Variants in MUC21 observed in about 807,000 individuals in gnomAD.
The protein encoded by MUC21 is mucin-21.
A neutral mutation model predicts 9.1 loss-of-function variants in MUC21; 8 were observed. The observed-to-expected ratio is 0.88, with a 90% confidence interval of 0.52 to 1.59. MUC21 has a LOEUF of 1.59. Ranked by LOEUF, MUC21 falls within the 40% of genes most tolerant of loss-of-function variation. The pLI is 0.00. For synonymous variants in MUC21, 189 were observed against 275.2 expected (o/e 0.69, Z 3.10); for missense variants, 478 against 694.2 (o/e 0.69, Z 3.50).
Position 30,987,606 on chromosome 6 carries a change from G to A in MUC21, c.1431G>A (p.Pro477=), listed in dbSNP as rs374178688. 2.2e-5 allele frequency: 36 copies of A among 1,614,218 alleles called. No homozygotes were observed. The highest frequency in any genetic ancestry group is 3.3e-5 in the South Asian group (3 of 91,088). The stretch of plus-strand genomic sequence containing the variant: ...CGAAGCCTGGTGGGTCCCTGGTGCC[G>A]TGGGAAATCTTCCTCATCACCCTGG... ...SEAKPGGSLV[P]WEIFLITLVS... Residue 477 remains proline, a synonymous_variant, in exon 2 of 3, where the codon CCG becomes CCA. Transcript: ENST00000376296.
chr6:30,988,132 T>C lies in MUC21; in HGVS notation c.1639T>C (p.Phe547Leu). Reference protein sequence around the residue: ...PHRPRWSPNWFWRRPVSSIAM... With the variant: ...PHRPRWSPNWLWRRPVSSIAM... ...CAGGCCCAGGTGGAGTCCTAACTGG[T>C]TCTGGAGGAGACCAGTATCCTCGAT... The change falls in exon 3 of 3, where the codon TTC (phenylalanine) becomes CTC (leucine). Residue 547 changes from phenylalanine to leucine, a missense_variant. Phe to Leu is a conservative substitution (Grantham distance 22, BLOSUM62 0). Coordinates refer to ENST00000376296, the MANE Select transcript of MUC21 (RefSeq NM_001010909.5). 6.2e-7 allele frequency: 1 copy of C among 1,612,980 alleles called. No homozygotes were observed. The highest frequency in any genetic ancestry group is 8.5e-7 in the Non-Finnish European group (1 of 1,180,016).
At position 30,988,458 on chromosome 6, in the gene MUC21, A is replaced by G; in HGVS notation, c.*264A>G. ...TGTGCGTGCCCCGGGGTGGGTATCT[A>G]GCTCTGAGATGAACTCAGTTATAGG... On this transcript the variant is annotated 3_prime_UTR_variant, in exon 3 of 3. Transcript: ENST00000376296. 2.3e-6 allele frequency: 1 copy of G among 438,342 alleles called. No homozygotes were observed. The highest frequency in any genetic ancestry group is 4.0e-6 in the Non-Finnish European group (1 of 251,344). The allele number at this position is 438,342 out of a possible 1,614,324, so 27.2% of individuals were successfully genotyped here. A position where few individuals can be genotyped will look rare whatever the true frequency, so the allele number is the denominator to read the frequency against.
In MUC21 at chr6:30,987,489, T is replaced by C; in HGVS notation, c.1314T>C (p.Ser438=). 2 of 1,614,268 alleles carry C rather than the reference T, an allele frequency of 1.2e-6. No homozygotes were observed. The highest frequency in any genetic ancestry group is 1.7e-6 in the Non-Finnish European group (2 of 1,180,032). ...TSSGANTATN[S]GSSVTSAGSG... ...GTGGGGCCAACACAGCCACCAACTC[T>C]GGGTCCAGTGTGACCTCTGCAGGCT... Residue 438 remains serine, a synonymous_variant, in exon 2 of 3, where the codon TCT becomes TCC. Transcript: ENST00000376296.
chr6:30,987,767 T>G lies in MUC21; in HGVS notation c.1506+86T>G, dbSNP rs189709074. 9.1e-6 allele frequency: 14 copies of G among 1,540,406 alleles called. No individual in the cohort carries two copies. The East Asian group carries it at 2.9e-4, about 32-fold the overall frequency. Reference sequence around the variant, plus strand: ...GGGTGTGAATAGAAGGGGTCTCAAGTCAGGGGTGGGTAGGGAGGAAGGGAG... The same window carrying G: ...GGGTGTGAATAGAAGGGGTCTCAAGGCAGGGGTGGGTAGGGAGGAAGGGAG... On this transcript the variant is annotated intron_variant, in intron 2 of 2. Transcript: ENST00000376296.
At chr6:30,984,996 C>CAATAAAATAAAATAAAATAA (rs9257008) in intron 1 of MUC21, among the ~76,000 whole-genome samples, 3,551 of 142,866 alleles carry the variant, frequency 0.025, 59 homozygotes, top group Middle Eastern at 0.045. Context: ...AATAAATAAG[C>CAATAAAATAAAATAAAATAA]AATAAAATAA....
chr6:30,987,827 A>G, intron 2 of MUC21, 146 bp downstream of exon 2: 1 of 1,403,312 alleles, frequency 7.1e-7, no homozygotes, highest in South Asian at 1.4e-5. Flanking sequence ...ATGGTAGGTC[A>G]ATGCAGAGGA....
At position 30,986,683 on chromosome 6, in the gene MUC21, T is replaced by G; in HGVS notation, c.508T>G (p.Ser170Ala). The G allele has an allele frequency of 6.3e-7, 1 of 1,583,546 alleles. No homozygotes were observed. The highest frequency in any genetic ancestry group is 8.6e-7 in the Non-Finnish European group (1 of 1,162,676). ...GGCCAGCACAGCCACCAACTCTGAG[T>G]CCAGCACAACCTCCAGTGGGGCCAG... ...SEASTATNSE[S>A]STTSSGASTA... Residue 170 changes from serine to alanine, a missense_variant, in exon 2 of 3, where the codon TCC becomes GCC. This residue lies in a region of MUC21 where 53 missense variants were observed against 139.1 expected (regional missense o/e 0.38). Coordinates refer to ENST00000376296, the MANE Select transcript of MUC21 (RefSeq NM_001010909.5).
At position 30,988,373 on chromosome 6, in the gene MUC21, T is replaced by C; in HGVS notation, c.*179T>C. On this transcript the variant is annotated 3_prime_UTR_variant, in exon 3 of 3. Transcript: ENST00000376296. ...ACCAGACACTGGAAAGAGAATACTA[T>C]ATTGCTCATTTAGCTAAGAAATAAA... The C allele has an allele frequency of 1.7e-6, 1 of 585,714 alleles. No individual in the cohort carries two copies. The highest frequency in any genetic ancestry group is 2.5e-5 in the South Asian group (1 of 40,808). 36.3% of individuals were successfully genotyped at this position (585,714 alleles called of 1,614,324 possible).
rs189709074 is a variant in MUC21 at position 30,987,767 on chromosome 6, T to A, written c.1506+86T>A. On this transcript the variant is annotated intron_variant, in intron 2 of 2. Coordinates refer to ENST00000376296, the MANE Select transcript of MUC21 (RefSeq NM_001010909.5). ...GGGTGTGAATAGAAGGGGTCTCAAGTCAGGGGTGGGTAGGGAGGAAGGGAG... is the reference window on the plus strand; with the variant it reads ...GGGTGTGAATAGAAGGGGTCTCAAGACAGGGGTGGGTAGGGAGGAAGGGAG... 7.1e-6 allele frequency: 11 copies of A among 1,540,406 alleles called. 1 individual carries two copies. The South Asian group carries it at 1.4e-4, about 19-fold the overall frequency.
chr6:30,987,295 A>C lies in MUC21; in HGVS notation c.1120A>C (p.Thr374Pro), dbSNP rs1288044940. Residue 374 changes from threonine (T) to proline (P), a missense_variant, in exon 2 of 3, where the codon ACA becomes CCA. Around this residue, in one of 5 missense-constraint regions of MUC21, gnomAD observed 155 missense variants for 235.2 expected, o/e 0.66. Transcript: ENST00000376296. ...CAGCACGACCTCCAGTGGGACCAGC[A>C]CAGCCACCAACTCTGAGTCCAGCAC... ...GSSTTSSGTS[T>P]ATNSESSTVS... The C allele has an allele frequency of 3.8e-6, 6 of 1,566,840 alleles. 1 individual carries two copies. Among genetic ancestry groups the C allele is most frequent in the Non-Finnish European group, 5.2e-6 (6 of 1,149,572 alleles).
Position 30,986,470 on chromosome 6 carries a change from T to C in MUC21, c.295T>C (p.Ser99Pro). Reference protein sequence around the residue: ...TATNSEFSTVSSGISIATNSE... With the variant: ...TATNSEFSTVPSGISIATNSE... ...CACCAACTCTGAGTTCAGCACAGTGTCCAGTGGGATCAGCATAGCCACCAA... is the reference window on the plus strand; with the variant it reads ...CACCAACTCTGAGTTCAGCACAGTGCCCAGTGGGATCAGCATAGCCACCAA... Residue 99 changes from serine to proline, a missense_variant, in exon 2 of 3, where the codon TCC becomes CCC. Transcript: ENST00000376296. 6.3e-7 allele frequency: 1 copy of C among 1,599,846 alleles called. No individual in the cohort carries two copies. The highest frequency in any genetic ancestry group is 8.6e-7 in the Non-Finnish European group (1 of 1,169,258).
chr6:30,985,118 C>T (rs1762195818), intron 1 of MUC21, among the ~76,000 whole-genome samples: 1 of 152,186 alleles, frequency 6.6e-6, no homozygotes, highest in Non-Finnish European at 1.5e-5. Context: ...CACGTACAGG[C>T]TGGGGAGGTT....
intron 1 of MUC21, 105 bp downstream of exon 1, chr6:30,984,124 G>A: frequency 1.4e-6 from 1 of 693,338 alleles, no homozygotes; most frequent in Non-Finnish European, 2.7e-6. Flanking sequence ...CATAGAGTGA[G>A]GATCATCATT....
rs147844005 is a variant in MUC21, at chr6:30,987,182, G to T, written c.1007G>T (p.Ser336Ile). 1.4e-3 allele frequency: 2,241 copies of T among 1,602,460 alleles called. 8 individuals are homozygous for T. Among genetic ancestry groups the T allele is most frequent in the Non-Finnish European group, 1.8e-3 (2,055 of 1,173,362 alleles). ...AGCACAGCCACCAACTCTGAGTCCA[G>T]CACGACCTCCAGTGGGGCCAGCACA... is the stretch of plus-strand genomic sequence containing the variant. Reference protein sequence around the residue: ...GASTATNSESSTTSSGASTAT... With the variant: ...GASTATNSESITTSSGASTAT... Residue 336 changes from serine to isoleucine, a missense_variant, in exon 2 of 3, where the codon AGC (serine) becomes ATC (isoleucine). Physicochemically the swap from Ser to Ile is moderately radical, Grantham distance 142. Around this residue, in one of 5 missense-constraint regions of MUC21, gnomAD observed 155 missense variants for 235.2 expected, o/e 0.66. Coordinates refer to ENST00000376296, the MANE Select transcript of MUC21 (RefSeq NM_001010909.5).
At position 30,987,628 on chromosome 6, in the gene MUC21, C is replaced by G. The variant is rs1331457807; in HGVS notation, c.1453C>G (p.Leu485Val). 1 of 1,614,140 alleles carries G rather than the reference C, an allele frequency of 6.2e-7. No individual in the cohort carries two copies. The highest frequency in any genetic ancestry group is 1.3e-5 in the African/African-American group (1 of 74,946). The change falls in exon 2 of 3, where the codon CTG becomes GTG. Residue 485 changes from leucine (L) to valine (V), a missense_variant. This residue lies in a region of MUC21 where 158 missense variants were observed against 192.6 expected (regional missense o/e 0.82). Coordinates refer to ENST00000376296, the MANE Select transcript of MUC21 (RefSeq NM_001010909.5). Reference protein sequence around the residue: ...LVPWEIFLITLVSVVAAVGLF... With the variant: ...LVPWEIFLITVVSVVAAVGLF... ...GCCGTGGGAAATCTTCCTCATCACCCTGGTCTCGGTTGTGGCGGCCGTGGG... is the reference window on the plus strand; with the variant it reads ...GCCGTGGGAAATCTTCCTCATCACCGTGGTCTCGGTTGTGGCGGCCGTGGG...
At position 30,986,830 on chromosome 6, in the gene MUC21, T is replaced by C. The variant is rs1290886554; in HGVS notation, c.655T>C (p.Ser219Pro). 1 of 1,586,544 alleles carries C rather than the reference T, an allele frequency of 6.3e-7. No homozygotes were observed. Among genetic ancestry groups the C allele is most frequent in the African/African-American group, 1.4e-5 (1 of 71,316 alleles). The change falls in exon 2 of 3, where the codon TCC (serine) becomes CCC (proline). Residue 219 changes from serine to proline, a missense_variant. This residue lies in a region of MUC21 where 155 missense variants were observed against 235.2 expected (regional missense o/e 0.66). Coordinates refer to ENST00000376296, the MANE Select transcript of MUC21 (RefSeq NM_001010909.5). ...TATNSESRTT[S>P]NGAGTATNSE... ...CACCAACTCTGAGTCCAGAACGACC[T>C]CCAATGGGGCTGGCACAGCCACCAA...
intron 1 of MUC21, among the ~76,000 whole-genome samples, chr6:30,985,360 G>C (rs1262681272): frequency 6.6e-6 from 1 of 152,144 alleles, no homozygotes; most frequent in Non-Finnish European, 1.5e-5. Flanking sequence ...CTGGCTTCTT[G>C]TTGTACATGC....
rs1762236849 is a variant in MUC21 at position 30,986,221 on chromosome 6, T to G, written c.62-16T>G. On this transcript the variant is annotated splice_polypyrimidine_tract_variant and intron_variant, in intron 1 of 2. Coordinates refer to ENST00000376296, the MANE Select transcript of MUC21 (RefSeq NM_001010909.5). The stretch of plus-strand genomic sequence containing the variant: ...TATACACACAATATATATTTGTCAT[T>G]ATATGATTTCTTCAGCAACAAATTC... 1.3e-6 allele frequency: 2 copies of G among 1,596,660 alleles called. No homozygotes were observed. The highest frequency in any genetic ancestry group is 1.7e-5 in the Admixed American group (1 of 58,646).
In MUC21 at chr6:30,987,025, A is replaced by G. The variant is rs1762357582; in HGVS notation, c.850A>G (p.Thr284Ala). The part of the protein sequence containing the change: ...ESSTVSSGIS[T>A]VTNSESSTPS... The stretch of plus-strand genomic sequence containing the variant: ...CAGCACAGTGTCCAGTGGGATCAGC[A>G]CAGTCACCAATTCTGAGTCCAGCAC... Residue 284 changes from threonine (T) to alanine (A), a missense_variant, in exon 2 of 3, where the codon ACA (threonine) becomes GCA (alanine). Transcript: ENST00000376296. 2.5e-6 allele frequency: 4 copies of G among 1,604,578 alleles called. No homozygotes were observed. In the Admixed American group the frequency reaches 5.0e-5, roughly 20 times the overall value.
Sources: gnomAD v4.1 joint callset for allele counts (sites outside exome capture counted in the v4.1 genomes callset) on GRCh38, gnomAD v4.1.1 for gene constraint, gnomAD v4.1.1 regional missense constraint, MANE v1.5 for transcripts, NCBI Gene and HGNC (gene_info 2026-07-23, HGNC 2026-07-21) for gene names.